MARCHF1: variants seen among roughly 807,000 people sequenced by gnomAD.
MARCHF1 encodes the protein membrane associated ring-CH-type finger 1, also known as E3 ubiquitin-protein ligase MARCHF1.
A neutral mutation model predicts 54.2 loss-of-function variants in MARCHF1; 40 were observed. That is an observed-to-expected ratio of 0.74 (90% confidence interval 0.57 to 0.96). The LOEUF is 0.96. Among genes scored for constraint, MARCHF1 ranks in the 40% least tolerant of loss-of-function variants. MARCHF1 has a pLI of 0.00. For missense variants in MARCHF1, 586 were observed against 656.5 expected (o/e 0.89, Z 1.17); for synonymous variants, 236 against 236.3 (o/e 1.00, Z 0.01).
At chr4:163,858,221 C>G (rs1749823989) in intron 3 of MARCHF1, among the ~76,000 whole-genome samples, 1 of 152,130 alleles carries the variant, frequency 6.6e-6, no homozygotes, top group African/African-American at 2.4e-5. Flanking sequence ...CCTGGCAGCC[C>G]TGCTGGGCTG....
intron 4 of MARCHF1, among the ~76,000 whole-genome samples, chr4:163,744,663 T>C (rs1313027192): frequency 6.6e-6 from 1 of 152,202 alleles, no homozygotes; most frequent in East Asian, 1.9e-4. Flanking sequence ...CATTATAAAT[T>C]AGAAGAGAGT....
At chr4:163,913,109 A>T (rs1046944354) in intron 3 of MARCHF1, among the ~76,000 whole-genome samples, 4 of 152,166 alleles carry the variant, frequency 2.6e-5, no homozygotes, top group Admixed American at 2.6e-4. Flanking sequence ...AGGCCTTTTT[A>T]AAAAATTACA....
At chr4:163,576,229 A>T (rs955366905) in intron 8 of MARCHF1, among the ~76,000 whole-genome samples, 1 of 151,868 alleles carries the variant, frequency 6.6e-6, no homozygotes, top group African/African-American at 2.4e-5. Flanking sequence ...AGAGATCAAG[A>T]TATTTTGTGT....
At chr4:164,325,117 G>C (rs1327669799) in intron 1 of MARCHF1, among the ~76,000 whole-genome samples, 1 of 151,684 alleles carries the variant, frequency 6.6e-6, no homozygotes, top group African/African-American at 2.4e-5. Context: ...TAGATCAGTG[G>C]AAATAAATAA....
chr4:164,004,356 A>G (rs1401243936), intron 2 of MARCHF1, among the ~76,000 whole-genome samples: 2 of 152,126 alleles, frequency 1.3e-5, no homozygotes, highest in Admixed American at 1.3e-4. Context: ...AATTGTATGC[A>G]TATCATAATA....
At chr4:164,304,845 G>A (rs944137702) in intron 1 of MARCHF1, among the ~76,000 whole-genome samples, 5 of 152,108 alleles carry the variant, frequency 3.3e-5, no homozygotes, top group Admixed American at 6.6e-5. Context: ...GAGGTTTTAC[G>A]TTTGTTTGTT....
chr4:163,788,136 T>C (rs1276357354), intron 4 of MARCHF1, among the ~76,000 whole-genome samples: 2 of 151,830 alleles, frequency 1.3e-5, no homozygotes, highest in Non-Finnish European at 2.9e-5. Context: ...AAGTTAGAGA[T>C]CTGCTGCACA....
intron 1 of MARCHF1, among the ~76,000 whole-genome samples, chr4:164,318,610 C>G (rs1334334122): frequency 1.3e-5 from 2 of 152,112 alleles, no homozygotes; most frequent in Non-Finnish European, 2.9e-5. Context: ...CAATGAAAAA[C>G]AAGGATAATT....
At chr4:164,275,869 T>C (rs903927343) in intron 1 of MARCHF1, among the ~76,000 whole-genome samples, 1 of 152,152 alleles carries the variant, frequency 6.6e-6, no homozygotes, top group African/African-American at 2.4e-5. Flanking sequence ...ATTATTGGAG[T>C]GACATTGCCT....
chr4:164,305,728 A>G (rs1410301730), intron 1 of MARCHF1, among the ~76,000 whole-genome samples: 1 of 152,168 alleles, frequency 6.6e-6, no homozygotes, highest in Non-Finnish European at 1.5e-5. Flanking sequence ...ATAGTAACAC[A>G]CAGTATTTTC....
intron 7 of MARCHF1, among the ~76,000 whole-genome samples, chr4:163,588,704 C>G (rs10027394): frequency 0.43 from 64,936 of 151,872 alleles, 14,048 homozygotes; most frequent in East Asian, 0.52. Context: ...ACTGGTTTAT[C>G]TATTGTTTAG....
chr4:163,811,130 C>G (rs944482039), intron 4 of MARCHF1, among the ~76,000 whole-genome samples: 1 of 152,108 alleles, frequency 6.6e-6, no homozygotes, highest in Non-Finnish European at 1.5e-5. Flanking sequence ...ATATCTGGAG[C>G]TGCTTCTTTC....
chr4:164,077,791 C>A (rs138458159), intron 2 of MARCHF1, among the ~76,000 whole-genome samples: 2 of 152,156 alleles, frequency 1.3e-5, no homozygotes, highest in East Asian at 1.9e-4. Flanking sequence ...AGCTCATCAT[C>A]GCTGGTCATT....
intron 7 of MARCHF1, among the ~76,000 whole-genome samples, chr4:163,595,534 A>T (rs1455892233): frequency 6.6e-6 from 1 of 152,142 alleles, no homozygotes; most frequent in African/African-American, 2.4e-5. Flanking sequence ...TGTGGTATAT[A>T]TACACAATGA....
At chr4:164,220,479 T>C (rs867178283) in intron 1 of MARCHF1, among the ~76,000 whole-genome samples, 43 of 145,862 alleles carry the variant, frequency 2.9e-4, no homozygotes, top group African/African-American at 9.9e-4. Flanking sequence ...ATGGAATATA[T>C]ATGGGAGCAT....
chr4:164,145,146 C>A (rs1357634736), intron 1 of MARCHF1, among the ~76,000 whole-genome samples: 2 of 150,964 alleles, frequency 1.3e-5, no homozygotes, highest in African/African-American at 4.9e-5. Flanking sequence ...TCTGAATAGA[C>A]CAATAACAGG....
intron 3 of MARCHF1, among the ~76,000 whole-genome samples, chr4:163,908,440 G>A (rs959491656): frequency 2.0e-5 from 3 of 152,104 alleles, no homozygotes; most frequent in African/African-American, 7.2e-5. Flanking sequence ...TAAGAAGAAT[G>A]CATTAGATCT....
intron 1 of MARCHF1, among the ~76,000 whole-genome samples, chr4:164,146,318 A>G (rs1247479156): frequency 1.3e-5 from 2 of 148,890 alleles, no homozygotes; most frequent in Admixed American, 1.3e-4. Flanking sequence ...ATTGGAAAAA[A>G]CTACTTTAAA....
intron 4 of MARCHF1, among the ~76,000 whole-genome samples, chr4:163,850,923 G>T (rs1749623246): frequency 6.6e-6 from 1 of 152,120 alleles, no homozygotes; most frequent in Admixed American, 6.6e-5. Context: ...TGAGCAAAAT[G>T]GCTGGCTTCT....
Sources: gnomAD v4.1 joint callset for allele counts (sites outside exome capture counted in the v4.1 genomes callset) on GRCh38, gnomAD v4.1.1 for gene constraint, MANE v1.5 for transcripts, NCBI Gene and HGNC (gene_info 2026-07-23, HGNC 2026-07-21) for gene names.